CCDC30: variants seen among roughly 807,000 people sequenced by gnomAD.
CCDC30 encodes the protein coiled-coil domain-containing protein 30.
CCDC30 carries 70 observed loss-of-function variants against 100.2 expected under a neutral mutation model. That is an observed-to-expected ratio of 0.70 (90% CI 0.58 to 0.85). The LOEUF is 0.85. Ranked by LOEUF, CCDC30 falls within the 40% of genes least tolerant of loss-of-function variation. The pLI is 0.00. For missense variants in CCDC30, 652 were observed against 771.2 expected, an observed-to-expected ratio of 0.85 and a Z score of 1.83; for synonymous variants, 233 against 269.5, an observed-to-expected ratio of 0.86 and a Z score of 1.33.
chr1:42,487,352 G>A (rs1644069080), intron 3 of CCDC30, among the ~76,000 whole-genome samples: 1 of 152,098 alleles, frequency 6.6e-6, no homozygotes, highest in Admixed American at 6.6e-5. Context: ...TAAGAACTGG[G>A]GGAAATAAGT....
chr1:42,610,929 T>A (rs747065407), intron 10 of CCDC30, 49 bp from the exon 15 acceptor site: 16 of 894,248 alleles, frequency 1.8e-5, no homozygotes, highest in Non-Finnish European at 2.4e-5. Context: ...TTCTTCAACA[T>A]CATACCTTTG....
chr1:42,532,960 G>A (rs1569938716), intron 6 of CCDC30, among the ~76,000 whole-genome samples: 1 of 151,964 alleles, frequency 6.6e-6, no homozygotes, highest in South Asian at 2.1e-4. Flanking sequence ...TAGTAGAGAC[G>A]GCGTTTCACT....
chr1:42,615,238 G>A (rs112725505), intron 11 of CCDC30, among the ~76,000 whole-genome samples: 1 of 152,148 alleles, frequency 6.6e-6, no homozygotes. Context: ...CTCTCTGGGG[G>A]TTTTCAAACT....
chr1:42,619,817 GA>G (rs1200014452), intron 11 of CCDC30, among the ~76,000 whole-genome samples: 1 of 152,286 alleles, frequency 6.6e-6, no homozygotes, highest in South Asian at 2.1e-4. Context: ...CTGCTCCCAT[GA>G]AAGACAACTT....
At chr1:42,511,516 A>G (rs1328594442) in intron 6 of CCDC30, among the ~76,000 whole-genome samples, 1 of 152,154 alleles carries the variant, frequency 6.6e-6, no homozygotes, top group Admixed American at 6.5e-5. Context: ...AATTGGAGGT[A>G]GAATAGGTGC....
intron 8 of CCDC30, among the ~76,000 whole-genome samples, chr1:42,578,416 A>G (rs989199585): frequency 6.6e-6 from 1 of 152,218 alleles, no homozygotes; most frequent in Admixed American, 6.5e-5. Context: ...CAAGTATTCT[A>G]TATCTTGGTC....
chr1:42,496,477 T>TATAA (rs936653308), intron 4 of CCDC30, among the ~76,000 whole-genome samples: 3 of 151,862 alleles, frequency 2.0e-5, no homozygotes, highest in Non-Finnish European at 2.9e-5. Flanking sequence ...TATATATATA[T>TATAA]AAATGTCTGA....
At chr1:42,654,114 C>A in exon 17 of CCDC30, 1 of 866,988 alleles carries the variant, frequency 1.2e-6, no homozygotes, top group Non-Finnish European at 1.8e-6. Flanking sequence ...AGAAGAGTTA[C>A]CACAGATCCC....
intron 1 of CCDC30, among the ~76,000 whole-genome samples, chr1:42,476,430 G>C (rs1343065177): frequency 7.2e-5 from 11 of 152,138 alleles, no homozygotes. Context: ...ACACTTAGGT[G>C]CTATTAGGCC....
At chr1:42,580,801 G>A (rs1283730918) in intron 8 of CCDC30, 1 of 455,942 alleles carries the variant, frequency 2.2e-6, no homozygotes, top group East Asian at 6.9e-5. Context: ...TAGGTGCTTG[G>A]TTTATAAGAG....
intron 4 of CCDC30, among the ~76,000 whole-genome samples, chr1:42,495,954 GA>G (rs1644225532): frequency 6.6e-6 from 1 of 152,148 alleles, no homozygotes; most frequent in Non-Finnish European, 1.5e-5. Context: ...ACCAACAATA[GA>G]TTGTTAAATA....
At chr1:42,600,216 G>A (rs1220201230) in intron 10 of CCDC30, among the ~76,000 whole-genome samples, 2 of 152,052 alleles carry the variant, frequency 1.3e-5, no homozygotes, top group African/African-American at 4.8e-5. Flanking sequence ...ATTATTTAAT[G>A]ATTAAAAAGG....
At chr1:42,496,497 CTA>C (rs1644235016) in intron 4 of CCDC30, among the ~76,000 whole-genome samples, 1 of 151,692 alleles carries the variant, frequency 6.6e-6, no homozygotes, top group African/African-American at 2.4e-5. Context: ...AAAATATTTA[CTA>C]TGTGTTAAAA....
chr1:42,480,841 C>T (rs997129975), intron 2 of CCDC30, among the ~76,000 whole-genome samples: 6 of 152,072 alleles, frequency 3.9e-5, no homozygotes, highest in Admixed American at 3.9e-4. Flanking sequence ...GATTCATGGC[C>T]AGATGTGGTG....
chr1:42,466,705 C>G (rs1319701397), intron 1 of CCDC30, among the ~76,000 whole-genome samples: 1 of 151,972 alleles, frequency 6.6e-6, no homozygotes, highest in Admixed American at 6.6e-5. Flanking sequence ...GCACCCGCCA[C>G]CATGCCCGGC....
intron 6 of CCDC30, among the ~76,000 whole-genome samples, chr1:42,563,928 AT>A (rs200531314): frequency 1.3e-5 from 2 of 151,516 alleles, no homozygotes; most frequent in African/African-American, 2.4e-5. Flanking sequence ...CCCATTGAAG[AT>A]TTTTTTTTCC....
chr1:42,491,056 A>C (rs1404773954), intron 4 of CCDC30, among the ~76,000 whole-genome samples: 1 of 152,244 alleles, frequency 6.6e-6, no homozygotes, highest in African/African-American at 2.4e-5. Context: ...AAAATTTTTA[A>C]ATACGTTTAC....
At chr1:42,484,972 A>G (rs1275568717) in intron 3 of CCDC30, among the ~76,000 whole-genome samples, 1 of 152,168 alleles carries the variant, frequency 6.6e-6, no homozygotes, top group African/African-American at 2.4e-5. Flanking sequence ...AATTTTTAAC[A>G]TTAATAAAAC....
chr1:42,577,243 T>A lies in CCDC30; in HGVS notation c.846+14T>A. Reference sequence around the variant, plus strand: ...GCAGAGGAAAAGGTAATTATCCTCATGCTTAATAAACAGCATACACTGAAT... The same window carrying A: ...GCAGAGGAAAAGGTAATTATCCTCAAGCTTAATAAACAGCATACACTGAAT... On this transcript the variant is annotated intron_variant, in intron 8 of 16. Transcript: ENST00000668663. 6.4e-7 allele frequency: 1 copy of A among 1,550,552 alleles called. No individual in the cohort carries two copies. Among genetic ancestry groups the A allele is most frequent in the Non-Finnish European group, 8.9e-7 (1 of 1,122,722 alleles).
Sources: allele counts gnomAD v4.1 joint callset (sites outside exome capture counted in the v4.1 genomes callset), GRCh38; gene constraint gnomAD v4.1.1; transcripts MANE v1.5; gene names NCBI Gene and HGNC (gene_info 2026-07-23, HGNC 2026-07-21).